The following ABCF1 variants were observed in gnomAD, a reference collection of about 807,000 sequenced individuals.
ABCF1 encodes the protein ATP-binding cassette sub-family F member 1.
A neutral mutation model predicts 126.3 loss-of-function variants in ABCF1; 73 were observed. That is an observed-to-expected ratio of 0.58 (90% CI 0.48 to 0.70). The LOEUF (loss-of-function observed/expected upper bound fraction) is 0.70. ABCF1 is among the 30% of genes least tolerant of loss of function. The pLI, the probability that ABCF1 is intolerant of heterozygous loss-of-function variation, is 0.00. For missense variants in ABCF1, 786 were observed against 1,057.5 expected, an observed-to-expected ratio of 0.74 and a Z score of 3.56; for synonymous variants, 345 against 396.4, an observed-to-expected ratio of 0.87 and a Z score of 1.54.
Position 30,583,947 on chromosome 6 carries a change from C to T in ABCF1, c.1102+57C>T, listed in dbSNP as rs1294072268. The stretch of plus-strand genomic sequence containing the variant: ...GGGGTGGGCAGTTGGGTAGAAAAGC[C>T]AGCCAGCCAAGAATAGAAGAAATTG... On this transcript the variant is annotated intron_variant, in intron 12 of 24. Transcript: ENST00000326195. The surrounding 1 kb of genome is among the most constrained non-coding windows in gnomAD (Gnocchi z 4.1). The T allele has an allele frequency of 1.5e-5, 23 of 1,575,858 alleles. No individual in the cohort carries two copies. The highest frequency in any genetic ancestry group is 2.0e-5 in the Non-Finnish European group (23 of 1,148,428).
Position 30,590,196 on chromosome 6 carries a change from C to T in ABCF1, c.2281C>T (p.Pro761Ser). Residue 761 changes from proline (P) to serine (S), a missense_variant, in exon 23 of 25, where the codon CCT (proline) becomes TCT (serine). By Grantham distance (74) the Pro-to-Ser change is moderately conservative. Around this residue, in one of 4 missense-constraint regions of ABCF1, gnomAD observed 288 missense variants for 423.5 expected, o/e 0.68. Coordinates refer to ENST00000326195, the MANE Select transcript of ABCF1 (RefSeq NM_001025091.2). ...VVFAELACRE[P>S]DVLILDEPTN... ...GTTTGCTGAGCTGGCCTGTCGGGAA[C>T]CTGATGTCCTCATCTTGGTGAGTGA... The T allele has an allele frequency of 6.2e-7, 1 of 1,613,016 alleles. No individual in the cohort carries two copies. Among genetic ancestry groups the T allele is most frequent in the South Asian group, 1.1e-5 (1 of 91,072 alleles).
chr6:30,582,928 A>C, intron 9 of ABCF1, 138 bp from the exon 10 acceptor site: 6 of 1,145,908 alleles, frequency 5.2e-6, no homozygotes, highest in South Asian at 1.6e-5. Flanking sequence ...CCTGAGCTCA[A>C]GAGATCCACC....
At chr6:30,580,260 T>C in intron 7 of ABCF1, 146 bp from the exon 8 acceptor site, 3 of 686,890 alleles carry the variant, frequency 4.4e-6, no homozygotes, top group Non-Finnish European at 6.9e-6. Flanking sequence ...GGCAGGAGAA[T>C]GGCGTGAACC....
intron 20 of ABCF1, among the ~76,000 whole-genome samples, chr6:30,587,965 C>T (rs1053315712): frequency 1.3e-5 from 2 of 151,452 alleles, no homozygotes; most frequent in Admixed American, 6.6e-5. Flanking sequence ...TGCAGTGGTG[C>T]GATCTTGGCC....
rs1472375612 is a variant in ABCF1 at position 30,583,784 on chromosome 6, C to T, written c.1017-21C>T. 1.2e-6 allele frequency: 2 copies of T among 1,613,968 alleles called. No individual in the cohort carries two copies. Among genetic ancestry groups the T allele is most frequent in the Non-Finnish European group, 1.7e-6 (2 of 1,179,892 alleles). Reference sequence around the variant, plus strand: ...GAGATTTCTCAGTGGTGGCCAGGTCCTAATAGCTTTTATTCCCCAGCAAGG... The same window carrying T: ...GAGATTTCTCAGTGGTGGCCAGGTCTTAATAGCTTTTATTCCCCAGCAAGG... On this transcript the variant is annotated intron_variant, in intron 11 of 24. Coordinates refer to ENST00000326195, the MANE Select transcript of ABCF1 (RefSeq NM_001025091.2). The surrounding 1 kb of genome is among the most constrained non-coding windows in gnomAD (Gnocchi z 4.1).
At position 30,583,265 on chromosome 6, in the gene ABCF1, G is replaced by A. The variant is rs910735486; in HGVS notation, c.915+77G>A. ...TCTCTCATCTTCCCTGAGTGGCTGT[G>A]GTGTGTGAATGGGTTAGTTCAGTGG... is the stretch of plus-strand genomic sequence containing the variant. On this transcript the variant is annotated intron_variant, in intron 10 of 24. Transcript: ENST00000326195. This position sits in a 1 kb window ranked among gnomAD's most constrained non-coding sequence, Gnocchi z 4.1. 9.7e-6 allele frequency: 15 copies of A among 1,539,276 alleles called. No homozygotes were observed. The African/African-American group carries it at 1.9e-4, about 20-fold the overall frequency.
At chr6:30,587,406 A>C (rs1211045761) in intron 20 of ABCF1, among the ~76,000 whole-genome samples, 1 of 152,156 alleles carries the variant, frequency 6.6e-6, no homozygotes, top group Non-Finnish European at 1.5e-5. Context: ...ACACTTTGGG[A>C]AGCCGAGGTG....
rs137979586 is a variant in ABCF1 at position 30,584,953 on chromosome 6, A to C, written c.1392-307A>C. Among the ~76,000 whole-genome samples, 128 of 152,186 alleles carry C rather than the reference A, an allele frequency of 8.4e-4. No homozygotes were observed. Among genetic ancestry groups the C allele is most frequent in the African/African-American group, 3.0e-3 (125 of 41,510 alleles). Reference sequence around the variant, plus strand: ...AGACCCTGTCTCTACAAAAAATTTAAAGATCAGCTGGATATGGTGGCGCAC... The same window carrying C: ...AGACCCTGTCTCTACAAAAAATTTACAGATCAGCTGGATATGGTGGCGCAC... On this transcript the variant is annotated intron_variant, in intron 14 of 24. Transcript: ENST00000326195. The surrounding 1 kb of genome is among the most constrained non-coding windows in gnomAD (Gnocchi z 4.6).
Position 30,584,086 on chromosome 6 carries a change from C to G in ABCF1, c.1103-106C>G. On this transcript the variant is annotated intron_variant, in intron 12 of 24. Transcript: ENST00000326195. This position sits in a 1 kb window ranked among gnomAD's most constrained non-coding sequence, Gnocchi z 4.6. ...GAGAGTGTTTTATTTGGAACAAGTACAAAGAGCTGGGCAGGGTCAGGCAAA... is the reference window on the plus strand; with the variant it reads ...GAGAGTGTTTTATTTGGAACAAGTAGAAAGAGCTGGGCAGGGTCAGGCAAA... 17 of 1,494,436 alleles carry G rather than the reference C, an allele frequency of 1.1e-5. No individual in the cohort carries two copies. The highest frequency in any genetic ancestry group is 1.5e-5 in the Non-Finnish European group (17 of 1,110,536). The allele number at this position is 1,494,436 out of a possible 1,614,324, so 92.6% of individuals were successfully genotyped here.
At chr6:30,579,647 A>G (rs1801701298) in intron 6 of ABCF1, among the ~76,000 whole-genome samples, 1 of 151,760 alleles carries the variant, frequency 6.6e-6, no homozygotes, top group African/African-American at 2.4e-5. Flanking sequence ...TAGTAGAGAC[A>G]GGGTTTCACC....
intron 1 of ABCF1, among the ~76,000 whole-genome samples, chr6:30,572,450 C>CATCT (rs1801301542): frequency 6.6e-6 from 1 of 152,118 alleles, no homozygotes; most frequent in Non-Finnish European, 1.5e-5. Context: ...AGAGGAGGAG[C>CATCT]ATCTACTCAG....
Position 30,577,424 on chromosome 6 carries a change from A to G in ABCF1, c.89A>G (p.Lys30Arg). ...AACTTTCTAGACAAAGTGGTGAAGA[A>G]AGGGAAGAAGGACAAGAAGATCAAA... ...STSPSDKVVK[K>R]GKKDKKIKKT... Residue 30 changes from lysine to arginine, a missense_variant, in exon 2 of 25, where the codon AAA becomes AGA. Lys to Arg is a conservative substitution (Grantham distance 26). Transcript: ENST00000326195. 6.2e-7 allele frequency: 1 copy of G among 1,614,010 alleles called. No individual in the cohort carries two copies. Among genetic ancestry groups the G allele is most frequent in the Non-Finnish European group, 8.5e-7 (1 of 1,179,946 alleles).
In ABCF1 at chr6:30,585,248, C is replaced by A; in HGVS notation, c.1392-12C>A. ...CTCTCCCTGACCCTGCCCTCTGCTA[C>A]CCACCCTCTAGGGCACTGTTCATGG... On this transcript the variant is annotated splice_polypyrimidine_tract_variant and intron_variant, in intron 14 of 24. Coordinates refer to ENST00000326195, the MANE Select transcript of ABCF1 (RefSeq NM_001025091.2). 6.2e-7 allele frequency: 1 copy of A among 1,611,940 alleles called. No homozygotes were observed. The highest frequency in any genetic ancestry group is 1.1e-5 in the South Asian group (1 of 91,042).
rs1802019381 is a variant in ABCF1 at position 30,584,715 on chromosome 6, T to C, written c.1391+149T>C. On this transcript the variant is annotated intron_variant, in intron 14 of 24. Transcript: ENST00000326195. The surrounding 1 kb of genome is among the most constrained non-coding windows in gnomAD (Gnocchi z 4.6). ...TCTGTGTTGTGAGAACTTAGGGTCT[T>C]TCTCTATTTATCTCCCTACTTGGTG... 1.8e-6 allele frequency: 2 copies of C among 1,138,754 alleles called. No homozygotes were observed. The highest frequency in any genetic ancestry group is 2.4e-6 in the Non-Finnish European group (2 of 826,902). The allele number at this position is 1,138,754 out of a possible 1,614,324, so 70.5% of individuals were successfully genotyped here.
chr6:30,572,767 C>T (rs543269738), intron 1 of ABCF1, among the ~76,000 whole-genome samples: 3 of 152,316 alleles, frequency 2.0e-5, no homozygotes, highest in East Asian at 1.9e-4. Flanking sequence ...TCCAAAAGTG[C>T]TGGGATTACA....
At position 30,579,937 on chromosome 6, in the gene ABCF1, T is replaced by C. The variant is rs17853301; in HGVS notation, c.496T>C (p.Ser166Pro). The C allele has an allele frequency of 6.2e-7, 1 of 1,612,816 alleles. No individual in the cohort carries two copies. Among genetic ancestry groups the C allele is most frequent in the Non-Finnish European group, 8.5e-7 (1 of 1,179,962 alleles). The change falls in exon 7 of 25, where the codon TCT (serine) becomes CCT (proline). Residue 166 changes from serine to proline, a missense_variant. This residue lies in a region of ABCF1 where 322 missense variants were observed against 322.9 expected (regional missense o/e 1.00). Coordinates refer to ENST00000326195, the MANE Select transcript of ABCF1 (RefSeq NM_001025091.2). ...GTATGTGTGTCTCCTCCAGGCCGTATCTGAGGAACAGCAGCCTGCACTCAA... is the reference window on the plus strand; with the variant it reads ...GTATGTGTGTCTCCTCCAGGCCGTACCTGAGGAACAGCAGCCTGCACTCAA... ...PEKNRINKAV[S>P]EEQQPALKGK...
At chr6:30,579,889 A>G in intron 6 of ABCF1, 42 bp from the exon 7 acceptor site, 1 of 1,588,340 alleles carries the variant, frequency 6.3e-7, no homozygotes, top group Non-Finnish European at 8.6e-7. Context: ...TAGCACAATA[A>G]TTTGTATGTA....
chr6:30,581,911 AC>A (rs1470370058), intron 8 of ABCF1, among the ~76,000 whole-genome samples: 2 of 152,166 alleles, frequency 1.3e-5, no homozygotes, highest in African/African-American at 4.8e-5. Context: ...TTAATAAAGG[AC>A]CTCAGGGAGA....
intron 7 of ABCF1, 107 bp downstream of exon 7, chr6:30,580,112 C>T (rs906620117): frequency 8.7e-5 from 94 of 1,082,974 alleles, no homozygotes; most frequent in Non-Finnish European, 1.2e-4. Flanking sequence ...TTTGGGAGGC[C>T]GAGGTGGGCG....
Sources: allele counts gnomAD v4.1 joint callset (sites outside exome capture counted in the v4.1 genomes callset), GRCh38; gene constraint gnomAD v4.1.1; regional missense constraint gnomAD v4.1.1; non-coding constraint Gnocchi (gnomAD v3.1); transcripts MANE v1.5; gene names NCBI Gene and HGNC (gene_info 2026-07-23, HGNC 2026-07-21).